Variants in VWA8 observed in about 807,000 individuals in gnomAD.
VWA8 encodes the protein von Willebrand factor A domain containing 8, also known as von Willebrand factor A domain-containing protein 8.
Under a neutral mutation model 241.5 loss-of-function variants are expected in VWA8, and 221 were observed. That is an observed-to-expected ratio of 0.91 (90% CI 0.82 to 1.02). The LOEUF (loss-of-function observed/expected upper bound fraction) is 1.02. Ranked by LOEUF, VWA8 falls within the 50% of genes least tolerant of loss-of-function variation. VWA8 has a pLI of 0.00. For synonymous variants in VWA8, 852 were observed against 827.1 expected, an observed-to-expected ratio of 1.03 and a Z score of -0.52; for missense variants, 2,322 against 2,328.7, an observed-to-expected ratio of 1.00 and a Z score of 0.06.
intron 30 of VWA8, 37 bp downstream of exon 30, chr13:41,692,825 C>A: frequency 6.5e-7 from 1 of 1,540,166 alleles, no homozygotes; most frequent in East Asian, 2.3e-5. Context: ...CTATAGAAAT[C>A]CTTGGCAATT....
At chr13:41,595,826 T>G (rs2044484510) in intron 40 of VWA8, among the ~76,000 whole-genome samples, 1 of 152,188 alleles carries the variant, frequency 6.6e-6, no homozygotes, top group African/African-American at 2.4e-5. Context: ...TTGGAGCAGG[T>G]ATGTGCATAT....
rs1410864365 is a variant in VWA8 at position 41,692,735 on chromosome 13, T to C, written c.3675+127A>G. ...TATCATGTTAAAATCTATACGTGCA[T>C]AACAGGAAATTCTCTTGTGCATTAC... On this transcript the variant is annotated intron_variant, in intron 30 of 44. Coordinates refer to ENST00000379310, the MANE Select transcript of VWA8 (RefSeq NM_015058.2). 6.4e-6 allele frequency: 4 copies of C among 628,006 alleles called. No homozygotes were observed. In the East Asian group the frequency reaches 8.6e-5, roughly 13 times the overall value. 38.9% of individuals were successfully genotyped at this position (628,006 alleles called of 1,614,324 possible).
intron 37 of VWA8, among the ~76,000 whole-genome samples, chr13:41,666,538 A>T (rs2044987585): frequency 6.6e-6 from 1 of 152,132 alleles, no homozygotes; most frequent in South Asian, 2.1e-4. Flanking sequence ...GATAACTGCT[A>T]AATACTTAGG....
chr13:41,810,109 CAAGT>C (rs1046745716), intron 17 of VWA8, among the ~76,000 whole-genome samples: 1 of 151,686 alleles, frequency 6.6e-6, no homozygotes, highest in Non-Finnish European at 1.5e-5. Flanking sequence ...CAAATACCAG[CAAGT>C]AAGTGAAGAA....
At position 41,570,476 on chromosome 13, in the gene VWA8, T is replaced by C. The variant is rs2044293005; in HGVS notation, c.5601A>G (p.Gln1867=). The C allele has an allele frequency of 4.3e-6, 7 of 1,613,900 alleles. No homozygotes were observed. Among genetic ancestry groups the C allele is most frequent in the African/African-American group, 1.3e-5 (1 of 74,938 alleles). The change falls in exon 44 of 45, where the codon CAA becomes CAG. Residue 1867 remains glutamine (Q), a synonymous_variant. Coordinates refer to ENST00000379310, the MANE Select transcript of VWA8 (RefSeq NM_015058.2). Reference sequence around the variant, plus strand: ...GCTCAGATGACACTTACCTGGTTGCTTGATCACCTAAAGAGCCAATAAAAA... The same window carrying C: ...GCTCAGATGACACTTACCTGGTTGCCTGATCACCTAAAGAGCCAATAAAAA... ...FAIFIGSLGD[Q]ATRLQRTLPA...
chr13:41,810,965 A>C lies in VWA8; in HGVS notation c.2063+260T>G, dbSNP rs114528366. ...ATTTTTAATAAATAAAAGAGGTTTT[A>C]TTTTGGCTCATGGTTCTGCAGGCTG... On this transcript the variant is annotated intron_variant, in intron 17 of 44. Transcript: ENST00000379310. 3.6e-3 allele frequency among the ~76,000 whole-genome samples: 554 copies of C among 152,152 alleles called. 2 individuals are homozygous for C. The highest frequency in any genetic ancestry group is 0.013 in the African/African-American group (524 of 41,548).
At chr13:41,941,005 C>CA (rs1456536104) in intron 2 of VWA8, among the ~76,000 whole-genome samples, 1 of 152,078 alleles carries the variant, frequency 6.6e-6, no homozygotes, top group East Asian at 1.9e-4. Flanking sequence ...CTACTAATAA[C>CA]AAAAAACAAA....
chr13:41,881,235 C>T (rs190507423), intron 9 of VWA8, among the ~76,000 whole-genome samples: 1 of 151,888 alleles, frequency 6.6e-6, no homozygotes, highest in Non-Finnish European at 1.5e-5. Context: ...TTTCCTTACT[C>T]TCTGGCACAA....
rs376308850 is a variant in VWA8 at position 41,690,187 on chromosome 13, T to C, written c.3955A>G (p.Thr1319Ala). The change falls in exon 33 of 45, where the codon ACA (threonine) becomes GCA (alanine). Residue 1319 changes from threonine to alanine, a missense_variant. Transcript: ENST00000379310. ...TTACCTTGTGTAACTCCAAACCCTG[T>C]GCTGGGCGGCTCCTCTTTCAGCACA... The part of the protein sequence containing the change: ...LYVLKEEPPS[T>A]GFGVTQETEF... The C allele has an allele frequency of 3.7e-5, 60 of 1,612,464 alleles. No individual in the cohort carries two copies. Among genetic ancestry groups the C allele is most frequent in the Non-Finnish European group, 4.5e-5 (53 of 1,179,002 alleles).
At chr13:41,721,299 A>T in intron 25 of VWA8, 71 bp downstream of exon 25, 1 of 1,496,088 alleles carries the variant, frequency 6.7e-7, no homozygotes, top group Non-Finnish European at 9.1e-7. Context: ...AAACTCTGGT[A>T]CAAACTGTAC....
At chr13:41,833,568 C>T (rs372698965) in intron 12 of VWA8, 37 bp from the exon 13 acceptor site, 162 of 1,545,158 alleles carry the variant, frequency 1.0e-4, no homozygotes, top group Non-Finnish European at 1.3e-4. Context: ...AAGAACATGA[C>T]GAATTAATTT....
rs1247362524 is a variant in VWA8 at position 41,581,080 on chromosome 13, G to A, written c.5272-5242C>T. ...AGTGGCGCAATCTCGGCTCACTGCA[G>A]GCTCCGCCCCCTGGAGTTCACGCCA... On this transcript the variant is annotated intron_variant, in intron 42 of 44. Coordinates refer to ENST00000379310, the MANE Select transcript of VWA8 (RefSeq NM_015058.2). Among the ~76,000 whole-genome samples the A allele has an allele frequency of 7.6e-5, 7 of 92,072 alleles. 1 individual carries two copies. Among genetic ancestry groups the A allele is most frequent in the East Asian group, 6.8e-4 (2 of 2,928 alleles). The allele number at this position is 92,072 out of a possible 152,430, so 60.4% of individuals were successfully genotyped here. A position where few individuals can be genotyped will look rare whatever the true frequency, so the allele number is the denominator to read the frequency against.
rs186646511 is a variant in VWA8, at chr13:41,655,442, C to T, written c.4611+15504G>A. Among the ~76,000 whole-genome samples, 3 of 149,038 alleles carry T rather than the reference C, an allele frequency of 2.0e-5. 1 individual carries two copies. The highest frequency in any genetic ancestry group is 1.3e-4 in the Admixed American group (2 of 14,938). ...CTACAACTCACATTTAAGTGGTTCA[C>T]GAAAAATAATGTAGATATATAATAT... On this transcript the variant is annotated intron_variant, in intron 37 of 44. Transcript: ENST00000379310.
intron 2 of VWA8, chr13:41,925,706 G>A (rs1876797498): frequency 5.3e-6 from 1 of 188,026 alleles, no homozygotes; most frequent in Admixed American, 6.0e-5. Flanking sequence ...GGCAGAGAAG[G>A]AGGCCAAGCA....
intron 12 of VWA8, among the ~76,000 whole-genome samples, chr13:41,842,517 C>T (rs1489838817): frequency 6.6e-6 from 1 of 152,126 alleles, no homozygotes; most frequent in Non-Finnish European, 1.5e-5. Flanking sequence ...GTGGTAAGCA[C>T]TGGAATCTAT....
chr13:41,860,388 T>G (rs1195123682), intron 12 of VWA8, among the ~76,000 whole-genome samples: 2 of 152,190 alleles, frequency 1.3e-5, no homozygotes, highest in Non-Finnish European at 2.9e-5. Flanking sequence ...TACGGGAAAC[T>G]TATGTGCCTT....
chr13:41,696,033 A>G (rs1023212435), intron 29 of VWA8: 5 of 152,136 alleles, frequency 3.3e-5, no homozygotes, highest in African/African-American at 9.7e-5. Context: ...ATTTTGACTG[A>G]TTTACTAAAT....
intron 42 of VWA8, among the ~76,000 whole-genome samples, chr13:41,583,535 C>T (rs918998140): frequency 2.7e-5 from 4 of 149,294 alleles, no homozygotes; most frequent in South Asian, 2.1e-4. Flanking sequence ...CCTAGGTACT[C>T]GGGAGGCTGA....
chr13:41,703,549 T>A, intron 26 of VWA8, 138 bp from the exon 27 acceptor site: 1 of 651,760 alleles, frequency 1.5e-6, no homozygotes, highest in Non-Finnish European at 2.6e-6. Context: ...ATCATTTTAT[T>A]AAACGACAGT....
Sources: allele counts gnomAD v4.1 joint callset (sites outside exome capture counted in the v4.1 genomes callset), GRCh38; gene constraint gnomAD v4.1.1; transcripts MANE v1.5; gene names NCBI Gene and HGNC (gene_info 2026-07-23, HGNC 2026-07-21).